ADAMTS6: variants seen among roughly 807,000 people sequenced by gnomAD.
ADAMTS6 encodes the protein A disintegrin and metalloproteinase with thrombospondin motifs 6.
A neutral mutation model predicts 144.3 loss-of-function variants in ADAMTS6; 23 were observed. The ratio of observed to expected loss-of-function variants is 0.16; its 90% confidence interval spans 0.11 to 0.23. The LOEUF (loss-of-function observed/expected upper bound fraction) is 0.23. Among genes scored for constraint, ADAMTS6 ranks in the 10% least tolerant of loss-of-function variants. The pLI is 1.00. For synonymous variants in ADAMTS6, 444 were observed against 457.5 expected, an observed-to-expected ratio of 0.97 and a Z score of 0.38; for missense variants, 999 against 1,379.6, an observed-to-expected ratio of 0.72 and a Z score of 4.37.
chr5:65,163,202 C>T (rs1463759123), intron 24 of ADAMTS6, among the ~76,000 whole-genome samples: 1 of 152,126 alleles, frequency 6.6e-6, no homozygotes, highest in Non-Finnish European at 1.5e-5. Flanking sequence ...TGAGCCACCA[C>T]ACCCAGCTAA....
chr5:65,154,506 T>G (rs905008859), intron 24 of ADAMTS6, among the ~76,000 whole-genome samples: 2 of 152,168 alleles, frequency 1.3e-5, no homozygotes, highest in East Asian at 3.9e-4. Flanking sequence ...GTCCCCTGAG[T>G]TGCCTGCAGC....
In ADAMTS6 at chr5:65,214,982, A is replaced by G. The variant is rs760728280; in HGVS notation, c.2437-50T>C. On this transcript the variant is annotated intron_variant, in intron 19 of 24. Transcript: ENST00000381055. This position sits in a 1 kb window ranked among gnomAD's most constrained non-coding sequence, Gnocchi z 4.6. ...GACAATTAAAATACAATGAGCCTTC[A>G]TTCAGATATTTATTATTCCTTTTGA... 1.3e-6 allele frequency: 2 copies of G among 1,566,370 alleles called. No individual in the cohort carries two copies. The highest frequency in any genetic ancestry group is 3.8e-5 in the Admixed American group (2 of 52,012).
intron 22 of ADAMTS6, among the ~76,000 whole-genome samples, chr5:65,175,886 A>C (rs535056334): frequency 1.4e-5 from 2 of 147,944 alleles, no homozygotes; most frequent in Non-Finnish European, 3.0e-5. Context: ...AAAAAAAAAA[A>C]CATCTATACC....
At chr5:65,416,014 C>A in intron 7 of ADAMTS6, 1 of 183,354 alleles carries the variant, frequency 5.5e-6, no homozygotes. Context: ...TGCTACACTT[C>A]AGCCAGGGGC....
At chr5:65,179,954 ACGCG>A (rs527898263) in intron 22 of ADAMTS6, among the ~76,000 whole-genome samples, 8,140 of 95,514 alleles carry the variant, frequency 0.085, 275 homozygotes, top group Middle Eastern at 0.21. Context: ...ATGTGCACGC[ACGCG>A]CACACACACA....
chr5:65,349,888 C>G (rs563774048), intron 7 of ADAMTS6, among the ~76,000 whole-genome samples: 1 of 151,806 alleles, frequency 6.6e-6, no homozygotes, highest in South Asian at 2.1e-4. Flanking sequence ...GTCAGATTGT[C>G]TATCCTTCTG....
At chr5:65,394,836 T>C (rs1390718872) in intron 7 of ADAMTS6, among the ~76,000 whole-genome samples, 1 of 152,176 alleles carries the variant, frequency 6.6e-6, no homozygotes, top group Admixed American at 6.5e-5. Context: ...TTAGCTTCTG[T>C]CTTATCTACT....
At chr5:65,435,624 A>G (rs1757330230) in intron 7 of ADAMTS6, among the ~76,000 whole-genome samples, 1 of 138,706 alleles carries the variant, frequency 7.2e-6, no homozygotes, top group Non-Finnish European at 1.6e-5. Context: ...GTTAAAAATT[A>G]TATTTTAATT....
At chr5:65,331,137 T>C (rs557537890) in intron 8 of ADAMTS6, among the ~76,000 whole-genome samples, 3 of 152,210 alleles carry the variant, frequency 2.0e-5, no homozygotes, top group South Asian at 2.1e-4. Context: ...TGGCCTATTA[T>C]ATGGGAAGAA....
At chr5:65,237,534 C>A (rs1257634350) in intron 15 of ADAMTS6, among the ~76,000 whole-genome samples, 1 of 151,924 alleles carries the variant, frequency 6.6e-6, no homozygotes. Context: ...CTAGTGAAAT[C>A]TATTCTAAGG....
chr5:65,465,310 C>T (rs966833531), intron 3 of ADAMTS6, among the ~76,000 whole-genome samples: 1 of 152,180 alleles, frequency 6.6e-6, no homozygotes, highest in African/African-American at 2.4e-5. Context: ...CTACCTGCAT[C>T]TTATGTCCAT....
intron 9 of ADAMTS6, among the ~76,000 whole-genome samples, chr5:65,303,848 A>G (rs1351413785): frequency 1.3e-5 from 2 of 152,150 alleles, no homozygotes; most frequent in African/African-American, 4.8e-5. Context: ...TATACTTAAG[A>G]GAGGGATATA....
At chr5:65,277,254 A>C (rs1580271128) in intron 11 of ADAMTS6, among the ~76,000 whole-genome samples, 1 of 152,228 alleles carries the variant, frequency 6.6e-6, no homozygotes, top group African/African-American at 2.4e-5. Context: ...AGAATCTGCT[A>C]TGCACCAGGC....
At chr5:65,152,362 G>T (rs1270917168) in intron 24 of ADAMTS6, among the ~76,000 whole-genome samples, 1 of 152,158 alleles carries the variant, frequency 6.6e-6, no homozygotes, top group Non-Finnish European at 1.5e-5. Flanking sequence ...TCAAACATGA[G>T]TTGCATTGTT....
At chr5:65,182,495 T>C (rs766120767) in intron 22 of ADAMTS6, among the ~76,000 whole-genome samples, 52 of 151,672 alleles carry the variant, frequency 3.4e-4, no homozygotes, top group Non-Finnish European at 4.1e-4. Flanking sequence ...AGCACAATAT[T>C]TATTGTGTCA....
At chr5:65,366,793 C>T (rs918651122) in intron 7 of ADAMTS6, among the ~76,000 whole-genome samples, 1 of 152,182 alleles carries the variant, frequency 6.6e-6, no homozygotes, top group Non-Finnish European at 1.5e-5. Flanking sequence ...TACCCTCCCG[C>T]CACCACCCCC....
At chr5:65,453,903 C>G (rs1485175291) in intron 4 of ADAMTS6, among the ~76,000 whole-genome samples, 1 of 152,132 alleles carries the variant, frequency 6.6e-6, no homozygotes, top group African/African-American at 2.4e-5. Context: ...TTACAAATTG[C>G]ATTGGTAGGT....
intron 7 of ADAMTS6, among the ~76,000 whole-genome samples, chr5:65,418,937 A>G (rs1236874400): frequency 6.6e-6 from 1 of 152,140 alleles, no homozygotes; most frequent in East Asian, 1.9e-4. Context: ...GAATGCTTCT[A>G]CTCTGCTGGT....
intron 14 of ADAMTS6, among the ~76,000 whole-genome samples, chr5:65,252,564 ATATATT>A (rs1760269918): frequency 6.6e-6 from 1 of 150,472 alleles, no homozygotes; most frequent in Admixed American, 6.6e-5. Context: ...TTTAAATTAT[ATATATT>A]TATATTATTT....
Sources: gnomAD v4.1 joint callset for allele counts (sites outside exome capture counted in the v4.1 genomes callset) on GRCh38, gnomAD v4.1.1 for gene constraint, Gnocchi (gnomAD v3.1) non-coding constraint, MANE v1.5 for transcripts, NCBI Gene and HGNC (gene_info 2026-07-23, HGNC 2026-07-21) for gene names.